JMJD1C: variants seen among roughly 807,000 people sequenced by gnomAD.
JMJD1C encodes jumonji domain-containing protein 1C.
JMJD1C carries 31 observed loss-of-function variants against 245.3 expected under a neutral mutation model. The observed-to-expected ratio is 0.13, with a 90% confidence interval of 0.09 to 0.17. The LOEUF (loss-of-function observed/expected upper bound fraction) is 0.17, where lower values mean the gene tolerates loss of function less well. Ranked by LOEUF, JMJD1C falls within the 10% of genes least tolerant of loss-of-function variation. The pLI, the probability that JMJD1C is intolerant of heterozygous loss-of-function variation, is 1.00. For missense variants in JMJD1C, 2,691 were observed against 3,000.2 expected (o/e 0.90, Z 2.41); for synonymous variants, 1,057 against 1,017.4 (o/e 1.04, Z -0.74).
chr10:63,490,132 GC>G (rs1954121102), intron 1 of JMJD1C, among the ~76,000 whole-genome samples: 1 of 152,140 alleles, frequency 6.6e-6, no homozygotes, highest in Non-Finnish European at 1.5e-5. Context: ...CATGAAACTG[GC>G]CCCTGGTGCC....
intron 1 of JMJD1C, among the ~76,000 whole-genome samples, chr10:63,482,073 T>A (rs1179373955): frequency 2.6e-5 from 4 of 152,142 alleles, no homozygotes. Flanking sequence ...TGTGGATAGG[T>A]TCTTGGAAAC....
At chr10:63,496,982 A>G (rs749454553) in intron 1 of JMJD1C, among the ~76,000 whole-genome samples, 3 of 152,216 alleles carry the variant, frequency 2.0e-5, no homozygotes, top group African/African-American at 4.8e-5. Flanking sequence ...CAATTATAAC[A>G]TGTAACATAT....
intron 2 of JMJD1C, among the ~76,000 whole-genome samples, chr10:63,285,665 G>C (rs1291858151): frequency 6.6e-6 from 1 of 152,070 alleles, no homozygotes; most frequent in African/African-American, 2.4e-5. Flanking sequence ...AAAATTAGCT[G>C]GGTGTGGTGG....
At chr10:63,187,120 A>AT (rs549367197) in intron 18 of JMJD1C, among the ~76,000 whole-genome samples, 5 of 150,842 alleles carry the variant, frequency 3.3e-5, no homozygotes, top group South Asian at 2.1e-4. Flanking sequence ...CTCTAGCTAG[A>AT]TTTTTTTTTT....
intron 24 of JMJD1C, among the ~76,000 whole-genome samples, chr10:63,174,943 T>A (rs189063189): frequency 6.6e-6 from 1 of 152,342 alleles, no homozygotes; most frequent in African/African-American, 2.4e-5. Flanking sequence ...TATGCATTTG[T>A]TGAAACTCAC....
intron 4 of JMJD1C, among the ~76,000 whole-genome samples, chr10:63,219,328 T>G (rs908034801): frequency 6.6e-6 from 1 of 152,192 alleles, no homozygotes; most frequent in Non-Finnish European, 1.5e-5. Context: ...ATTGTCTCAC[T>G]TTCCATTCAA....
chr10:63,426,760 A>G (rs936554383), intron 1 of JMJD1C, among the ~76,000 whole-genome samples: 1 of 152,232 alleles, frequency 6.6e-6, no homozygotes, highest in Non-Finnish European at 1.5e-5. Flanking sequence ...AAAATGAAAT[A>G]TATGAAGTTT....
intron 17 of JMJD1C, 72 bp downstream of exon 17, chr10:63,190,822 A>C (rs1844709851): frequency 1.7e-6 from 2 of 1,204,230 alleles, no homozygotes; most frequent in Admixed American, 3.5e-5. Flanking sequence ...GGTAGTTCAG[A>C]GCCAAAAACT....
At chr10:63,473,466 C>T (rs893883861) in intron 1 of JMJD1C, among the ~76,000 whole-genome samples, 49 of 151,762 alleles carry the variant, frequency 3.2e-4, no homozygotes, top group African/African-American at 1.2e-3. Flanking sequence ...AGGCTAGTCT[C>T]GAACTCCTGA....
chr10:63,312,617 T>C (rs1207503957), intron 2 of JMJD1C, among the ~76,000 whole-genome samples: 2 of 152,190 alleles, frequency 1.3e-5, no homozygotes, highest in Non-Finnish European at 2.9e-5. Context: ...TTTTTATATT[T>C]AAAAAGTTGT....
At chr10:63,302,835 T>C (rs1860264001) in intron 2 of JMJD1C, among the ~76,000 whole-genome samples, 1 of 152,186 alleles carries the variant, frequency 6.6e-6, no homozygotes, top group African/African-American at 2.4e-5. Flanking sequence ...CACAATCAAA[T>C]AATAATTACA....
At chr10:63,198,903 C>A (rs1371697347) in intron 11 of JMJD1C, among the ~76,000 whole-genome samples, 176 bp from the exon 12 acceptor site, 1 of 152,024 alleles carries the variant, frequency 6.6e-6, no homozygotes, top group African/African-American at 2.4e-5. Context: ...TTAAATAACT[C>A]AGGTGTTATG....
chr10:63,315,253 A>G (rs191314689), intron 2 of JMJD1C, among the ~76,000 whole-genome samples: 38 of 151,760 alleles, frequency 2.5e-4, no homozygotes, highest in African/African-American at 7.7e-4. Flanking sequence ...ACAGTTTTCA[A>G]CCCTTGTCCC....
At chr10:63,277,727 A>ATTTTTTTTT (rs1389505532) in intron 2 of JMJD1C, among the ~76,000 whole-genome samples, 12 of 83,142 alleles carry the variant, frequency 1.4e-4, no homozygotes, top group Admixed American at 6.2e-4. Context: ...AGTAATTTGC[A>ATTTTTTTTT]TTTCTTTTTT....
intron 2 of JMJD1C, among the ~76,000 whole-genome samples, chr10:63,340,646 G>C (rs761564922): frequency 4.6e-5 from 7 of 152,184 alleles, no homozygotes; most frequent in Non-Finnish European, 1.0e-4. Flanking sequence ...AATATAACGT[G>C]AAGAAACAAA....
chr10:63,213,613 C>G lies in JMJD1C; in HGVS notation c.2554G>C (p.Ala852Pro). ...PHLLGQAHPSASYNQLGLYPI... is the reference protein window; with the variant it reads ...PHLLGQAHPSPSYNQLGLYPI... ...TAAAGTCCAAGCTGATTATATGAAG[C>G]AGAAGGATGGGCTTGTCCAAGAAGA... Residue 852 changes from alanine (A) to proline (P), a missense_variant, in exon 8 of 26, where the codon GCT (alanine) becomes CCT (proline). Around this residue, in one of 9 missense-constraint regions of JMJD1C, gnomAD observed 1,562 missense variants for 1,490.7 expected, o/e 1.05. Coordinates refer to ENST00000399262, the MANE Select transcript of JMJD1C (RefSeq NM_032776.3). 1.2e-6 allele frequency: 2 copies of G among 1,614,162 alleles called. No individual in the cohort carries two copies. The highest frequency in any genetic ancestry group is 8.5e-7 in the Non-Finnish European group (1 of 1,179,994).
intron 1 of JMJD1C, among the ~76,000 whole-genome samples, chr10:63,512,681 C>T (rs1479257378): frequency 6.6e-6 from 1 of 151,648 alleles, no homozygotes; most frequent in African/African-American, 2.4e-5. Flanking sequence ...ATTTTTGGCA[C>T]TTACCATCTT....
chr10:63,422,420 A>G (rs1288379270), intron 1 of JMJD1C, among the ~76,000 whole-genome samples: 1 of 152,212 alleles, frequency 6.6e-6, no homozygotes, highest in Non-Finnish European at 1.5e-5. Flanking sequence ...TTAAAAATAA[A>G]AAAAAGAACA....
rs552948677 is a variant in JMJD1C at position 63,211,974 on chromosome 10, G to C, written c.2694+1499C>G. On this transcript the variant is annotated intron_variant, in intron 8 of 25. Transcript: ENST00000399262. Reference sequence around the variant, plus strand: ...AAAGAAAATAGGGCACATACATACAGTGGAATATTATACAGCCTTAAATAA... The same window carrying C: ...AAAGAAAATAGGGCACATACATACACTGGAATATTATACAGCCTTAAATAA... Among the ~76,000 whole-genome samples the C allele has an allele frequency of 2.7e-5, 4 of 148,722 alleles. No homozygotes were observed. The East Asian group carries it at 7.9e-4, about 29-fold the overall frequency.
Sources: allele counts gnomAD v4.1 joint callset (sites outside exome capture counted in the v4.1 genomes callset), GRCh38; gene constraint gnomAD v4.1.1; regional missense constraint gnomAD v4.1.1; transcripts MANE v1.5; gene names NCBI Gene and HGNC (gene_info 2026-07-23, HGNC 2026-07-21).